TMEM185B: variants seen among roughly 807,000 people sequenced by gnomAD.
The protein encoded by TMEM185B is transmembrane protein 185B.
A neutral mutation model predicts 26.2 loss-of-function variants in TMEM185B; 9 were observed. That is an observed-to-expected ratio of 0.34 (90% CI 0.21 to 0.60). The LOEUF is 0.60. TMEM185B is among the 20% of genes least tolerant of loss of function. The probability of loss-of-function intolerance (pLI) is 0.80; values close to 1 mark genes in which losing one functional copy is unlikely to be tolerated. For missense variants in TMEM185B, 392 were observed against 447.9 expected, an observed-to-expected ratio of 0.88 and a Z score of 1.13; for synonymous variants, 204 against 191.8, an observed-to-expected ratio of 1.06 and a Z score of -0.52.
At position 120,222,590 on chromosome 2, in the gene TMEM185B, G is replaced by A; in HGVS notation, c.387C>T (p.Ala129=). ...LFFVSPVSVA[A]CVWGFRHDRS... is the part of the protein sequence containing the mutation. ...TATCGTGTCGAAAGCCCCAGACGCA[G>A]GCAGCCACGGACACGGGGGACACGA... Residue 129 remains alanine, a synonymous_variant, in exon 1 of 1, where the codon GCC becomes GCT. Transcript: ENST00000426077. The A allele has an allele frequency of 1.3e-6, 2 of 1,536,458 alleles. No individual in the cohort carries two copies. The highest frequency in any genetic ancestry group is 1.7e-6 in the Non-Finnish European group (2 of 1,147,018).
rs1688584222 is a variant in TMEM185B at position 120,221,390 on chromosome 2, C to T, written c.*534G>A. 6.5e-6 allele frequency: 1 copy of T among 152,824 alleles called. No individual in the cohort carries two copies. The highest frequency in any genetic ancestry group is 1.5e-5 in the Non-Finnish European group (1 of 68,606). The allele number at this position is 152,824 out of a possible 1,614,324, so 9.5% of individuals were successfully genotyped here. On this transcript the variant is annotated 3_prime_UTR_variant, in exon 1 of 1. Transcript: ENST00000426077. Reference sequence around the variant, plus strand: ...ATACTATATATGCATGGGTTCATTCCATTAGAAAAATTCACCTATCAGAAT... The same window carrying T: ...ATACTATATATGCATGGGTTCATTCTATTAGAAAAATTCACCTATCAGAAT...
chr2:120,222,787 C>G lies in TMEM185B; in HGVS notation c.190G>C (p.Val64Leu). 1 of 1,532,866 alleles carries G rather than the reference C, an allele frequency of 6.5e-7. No individual in the cohort carries two copies. The highest frequency in any genetic ancestry group is 1.4e-5 in the African/African-American group (1 of 72,980). The allele number at this position is 1,532,866 out of a possible 1,614,324, so 95.0% of individuals were successfully genotyped here. Reference protein sequence around the residue: ...VVAGASVGAGVWARNPRYRTE... With the variant: ...VVAGASVGAGLWARNPRYRTE... Reference sequence around the variant, plus strand: ...CGGTAGCGAGGGTTGCGGGCCCAAACGCCCGCGCCCACGGAGGCGCCTGCG... The same window carrying G: ...CGGTAGCGAGGGTTGCGGGCCCAAAGGCCCGCGCCCACGGAGGCGCCTGCG... The change falls in exon 1 of 1, where the codon GTT (valine) becomes CTT (leucine). Residue 64 changes from valine to leucine, a missense_variant. By Grantham distance (32) the Val-to-Leu change is conservative. Coordinates refer to ENST00000426077, the MANE Select transcript of TMEM185B (RefSeq NM_024121.3).
chr2:120,222,747 G>GCCTCTC lies in TMEM185B; in HGVS notation c.224_229dup (p.Gly75_Glu76dup). 6.5e-7 allele frequency: 1 copy of GCCTCTC among 1,536,466 alleles called. No homozygotes were observed. The highest frequency in any genetic ancestry group is 8.7e-7 in the Non-Finnish European group (1 of 1,146,984). On this transcript the variant is annotated inframe_insertion, in exon 1 of 1. Coordinates refer to ENST00000426077, the MANE Select transcript of TMEM185B (RefSeq NM_024121.3). Reference sequence around the variant, plus strand: ...CAGCATGGCTTTGAACTCCACACAGGCCTCTCCCTCGGTGCGGTAGCGAGG... The same window carrying GCCTCTC: ...CAGCATGGCTTTGAACTCCACACAGGCCTCTCCCTCTCCCTCGGTGCGGTAGCGAGG...
At position 120,221,829 on chromosome 2, in the gene TMEM185B, T is replaced by G; in HGVS notation, c.*95A>C. ...GATCTCAAACACGGCGTGAGACGAGTGTTTGAAGCCTGTTTCCATTTCCAG... is the reference window on the plus strand; with the variant it reads ...GATCTCAAACACGGCGTGAGACGAGGGTTTGAAGCCTGTTTCCATTTCCAG... On this transcript the variant is annotated 3_prime_UTR_variant, in exon 1 of 1. Transcript: ENST00000426077. 1 of 1,011,334 alleles carries G rather than the reference T, an allele frequency of 9.9e-7. No individual in the cohort carries two copies. The highest frequency in any genetic ancestry group is 1.4e-6 in the Non-Finnish European group (1 of 712,248). The allele number at this position is 1,011,334 out of a possible 1,614,324, so 62.6% of individuals were successfully genotyped here. A position where few individuals can be genotyped will look rare whatever the true frequency, so the allele number is the denominator to read the frequency against.
At position 120,220,448 on chromosome 2, in the gene TMEM185B, C is replaced by A. The variant is rs960836321; in HGVS notation, c.*1476G>T. 6.6e-6 allele frequency among the ~76,000 whole-genome samples: 1 copy of A among 152,220 alleles called. No individual in the cohort carries two copies. The highest frequency in any genetic ancestry group is 2.4e-5 in the African/African-American group (1 of 41,452). On this transcript the variant is annotated 3_prime_UTR_variant, in exon 1 of 1. Transcript: ENST00000426077. ...ACCAGCACCTAAAGAAACACTGTAC[C>A]TGCCGGGTGCAGTGGTTCCCGCCTG...
In TMEM185B at chr2:120,220,839, A is replaced by T. The variant is rs1015219970; in HGVS notation, c.*1085T>A. On this transcript the variant is annotated 3_prime_UTR_variant, in exon 1 of 1. Coordinates refer to ENST00000426077, the MANE Select transcript of TMEM185B (RefSeq NM_024121.3). ...GAACAGTTGTTTCCCTATTGCTGAC[A>T]GATTAAAGTTTGGCCCTTAAAATGA... Among the ~76,000 whole-genome samples, 2 of 152,242 alleles carry T rather than the reference A, an allele frequency of 1.3e-5. No homozygotes were observed. The highest frequency in any genetic ancestry group is 2.9e-5 in the Non-Finnish European group (2 of 68,038).
In TMEM185B at chr2:120,223,071, C is replaced by T. The variant is rs1372957566; in HGVS notation, c.-95G>A. 5.1e-6 allele frequency: 5 copies of T among 981,236 alleles called. No homozygotes were observed. The highest frequency in any genetic ancestry group is 6.7e-6 in the Non-Finnish European group (5 of 746,348). The allele number at this position is 981,236 out of a possible 1,614,324, so 60.8% of individuals were successfully genotyped here. ...TCTCCGGCCGCCGCCTCCCGGGCCC[C>T]GCCCAAGCCGGCTCCGCGTGGACGA... is the stretch of plus-strand genomic sequence containing the variant. On this transcript the variant is annotated 5_prime_UTR_variant, in exon 1 of 1. Coordinates refer to ENST00000426077, the MANE Select transcript of TMEM185B (RefSeq NM_024121.3).
rs1359551377 is a variant in TMEM185B at position 120,222,410 on chromosome 2, G to C, written c.567C>G (p.Tyr189Ter). Residue 189 changes from tyrosine (Y) to a stop codon, truncating the protein, a stop_gained, in exon 1 of 1, where the codon TAC becomes TAG. Transcript: ENST00000426077. LOFTEE classifies it high-confidence loss of function. ...MSFLCLVVLY[Y>*]IVWSLLFLRS... ...GCAGGAACAGGAGGGACCAGACGAT[G>C]TAATAGAGGACGACCAGGCAAAGGA... 6.5e-7 allele frequency: 1 copy of C among 1,536,136 alleles called. No homozygotes were observed. The highest frequency in any genetic ancestry group is 8.7e-7 in the Non-Finnish European group (1 of 1,146,934).
Position 120,223,122 on chromosome 2 carries a change from C to G in TMEM185B, c.-146G>C. The G allele has an allele frequency of 1.8e-6, 1 of 551,968 alleles. No individual in the cohort carries two copies. 34.2% of individuals were successfully genotyped at this position (551,968 alleles called of 1,614,324 possible). A position where few individuals can be genotyped will look rare whatever the true frequency, so the allele number is the denominator to read the frequency against. The stretch of plus-strand genomic sequence containing the variant: ...ATGCCGGGACGACCAGGAGGAGGTT[C>G]GGAGCGGCGAAGCGGAGAGGCCGGA... On this transcript the variant is annotated 5_prime_UTR_variant, in exon 1 of 1. Coordinates refer to ENST00000426077, the MANE Select transcript of TMEM185B (RefSeq NM_024121.3).
Position 120,218,755 on chromosome 2 carries a change from A to C in TMEM185B, c.*3169T>G, listed in dbSNP as rs886839962. 1.5e-4 allele frequency among the ~76,000 whole-genome samples: 23 copies of C among 152,260 alleles called. No homozygotes were observed. The highest frequency in any genetic ancestry group is 5.3e-4 in the African/African-American group (22 of 41,474). On this transcript the variant is annotated 3_prime_UTR_variant, in exon 1 of 1. Transcript: ENST00000426077. ...ATCCCCAACAGATCCCTTCTAATGG[A>C]AACAGCTTTTAAAAATTTCAGGATA...
chr2:120,220,162 T>C lies in TMEM185B; in HGVS notation c.*1762A>G, dbSNP rs1274976187. The stretch of plus-strand genomic sequence containing the variant: ...GAGCATGTTATTTTAATGTTTTATA[T>C]AGGGCAAAAATAGTGAATTTAGGGT... On this transcript the variant is annotated 3_prime_UTR_variant, in exon 1 of 1. Transcript: ENST00000426077. 1.3e-5 allele frequency among the ~76,000 whole-genome samples: 2 copies of C among 152,152 alleles called. No individual in the cohort carries two copies. The highest frequency in any genetic ancestry group is 4.8e-5 in the African/African-American group (2 of 41,422).
rs1317257342 is a variant in TMEM185B at position 120,219,186 on chromosome 2, G to A, written c.*2738C>T. Among the ~76,000 whole-genome samples the A allele has an allele frequency of 1.3e-5, 2 of 152,222 alleles. No homozygotes were observed. The highest frequency in any genetic ancestry group is 2.9e-5 in the Non-Finnish European group (2 of 68,040). On this transcript the variant is annotated 3_prime_UTR_variant, in exon 1 of 1. Coordinates refer to ENST00000426077, the MANE Select transcript of TMEM185B (RefSeq NM_024121.3). ...TGGGAATCTAGTTGTAGACCACTGA[G>A]ATTTCTGATGCTGTTTTGCAGCAAA...
In TMEM185B at chr2:120,223,172, C is replaced by T. The variant is rs1688624140; in HGVS notation, c.-196G>A. The T allele has an allele frequency of 1.5e-5, 6 of 391,486 alleles. No homozygotes were observed. The South Asian group carries it at 5.1e-4, about 33-fold the overall frequency. 24.3% of individuals were successfully genotyped at this position (391,486 alleles called of 1,614,324 possible). A position where few individuals can be genotyped will look rare whatever the true frequency, so the allele number is the denominator to read the frequency against. ...AACACGTGCACGCGCGGTCACGTGG[C>T]CCGGCCGGAAGCGCGCTGGGGTGTG... On this transcript the variant is annotated 5_prime_UTR_variant, in exon 1 of 1. Coordinates refer to ENST00000426077, the MANE Select transcript of TMEM185B (RefSeq NM_024121.3).
rs113906846 is a variant in TMEM185B, at chr2:120,222,758, G to C, written c.219C>G (p.Thr73=). 1 of 1,536,206 alleles carries C rather than the reference G, an allele frequency of 6.5e-7. No individual in the cohort carries two copies. Among genetic ancestry groups the C allele is most frequent in the Non-Finnish European group, 8.7e-7 (1 of 1,146,912 alleles). Residue 73 remains threonine (T), a synonymous_variant, in exon 1 of 1, where the codon ACC becomes ACG. Coordinates refer to ENST00000426077, the MANE Select transcript of TMEM185B (RefSeq NM_024121.3). ...GVWARNPRYR[T]EGEACVEFKA... Reference sequence around the variant, plus strand: ...TGAACTCCACACAGGCCTCTCCCTCGGTGCGGTAGCGAGGGTTGCGGGCCC... The same window carrying C: ...TGAACTCCACACAGGCCTCTCCCTCCGTGCGGTAGCGAGGGTTGCGGGCCC...
At position 120,222,953 on chromosome 2, in the gene TMEM185B, C is replaced by G. The variant is rs1688617048; in HGVS notation, c.24G>C (p.Gln8His). ...TGAGAAACTTACTGGGGTTGAAGTC[C>G]TGGAACAGGCCCCTGGGGTTCATGG... MNPRGLFQDFNPSKFLIY... is the reference protein window; with the variant it reads MNPRGLFHDFNPSKFLIY... The change falls in exon 1 of 1, where the codon CAG (glutamine) becomes CAC (histidine). Residue 8 changes from glutamine (Q) to histidine (H), a missense_variant. This residue lies in a region of TMEM185B where 175 missense variants were observed against 169.1 expected (regional missense o/e 1.03). Coordinates refer to ENST00000426077, the MANE Select transcript of TMEM185B (RefSeq NM_024121.3). The G allele has an allele frequency of 2.1e-6, 3 of 1,442,414 alleles. No homozygotes were observed. Among genetic ancestry groups the G allele is most frequent in the East Asian group, 2.5e-5 (1 of 40,152 alleles). 89.4% of individuals were successfully genotyped at this position (1,442,414 alleles called of 1,614,324 possible).
In TMEM185B at chr2:120,223,079, C is replaced by CGT; in HGVS notation, c.-104_-103insAC. 1 of 910,388 alleles carries CGT rather than the reference C, an allele frequency of 1.1e-6. No homozygotes were observed. Among genetic ancestry groups the CGT allele is most frequent in the Non-Finnish European group, 1.5e-6 (1 of 684,480 alleles). 56.4% of individuals were successfully genotyped at this position (910,388 alleles called of 1,614,324 possible). ...CGCCGCCTCCCGGGCCCCGCCCAAG[C>CGT]CGGCTCCGCGTGGACGAATGCCGGG... On this transcript the variant is annotated 5_prime_UTR_variant, in exon 1 of 1. Coordinates refer to ENST00000426077, the MANE Select transcript of TMEM185B (RefSeq NM_024121.3).
chr2:120,218,366 A>G lies in TMEM185B; in HGVS notation c.*3558T>C, dbSNP rs1688533792. 6.6e-6 allele frequency among the ~76,000 whole-genome samples: 1 copy of G among 152,188 alleles called. No individual in the cohort carries two copies. Reference sequence around the variant, plus strand: ...GTGGCAAGTGCTGCATCTCCAGCAAATGGTCCCTGTGGTGCAGCCCTGCCT... The same window carrying G: ...GTGGCAAGTGCTGCATCTCCAGCAAGTGGTCCCTGTGGTGCAGCCCTGCCT... On this transcript the variant is annotated 3_prime_UTR_variant, in exon 1 of 1. Transcript: ENST00000426077.
At position 120,221,710 on chromosome 2, in the gene TMEM185B, C is replaced by T. The variant is rs994125014; in HGVS notation, c.*214G>A. 1.8e-5 allele frequency: 10 copies of T among 549,276 alleles called. No homozygotes were observed. Among genetic ancestry groups the T allele is most frequent in the Middle Eastern group, 9.3e-4 (2 of 2,150 alleles). The allele number at this position is 549,276 out of a possible 1,614,324, so 34.0% of individuals were successfully genotyped here. On this transcript the variant is annotated 3_prime_UTR_variant, in exon 1 of 1. Transcript: ENST00000426077. ...CTGCCCCCAGCTACACCTGAAAGTG[C>T]GAACCTGGAAAGCAAGTCTCTTACC... is the stretch of plus-strand genomic sequence containing the variant.
In TMEM185B at chr2:120,223,101, C is replaced by T; in HGVS notation, c.-125G>A. ...AAGCCGGCTCCGCGTGGACGAATGC[C>T]GGGACGACCAGGAGGAGGTTCGGAG... On this transcript the variant is annotated 5_prime_UTR_variant, in exon 1 of 1. Transcript: ENST00000426077. 2 of 655,858 alleles carry T rather than the reference C, an allele frequency of 3.0e-6. No individual in the cohort carries two copies. The highest frequency in any genetic ancestry group is 1.9e-5 in the African/African-American group (1 of 52,700). 40.6% of individuals were successfully genotyped at this position (655,858 alleles called of 1,614,324 possible). A position where few individuals can be genotyped will look rare whatever the true frequency, so the allele number is the denominator to read the frequency against.
Sources: gnomAD v4.1 joint callset for allele counts (sites outside exome capture counted in the v4.1 genomes callset) on GRCh38, gnomAD v4.1.1 for gene constraint, gnomAD v4.1.1 regional missense constraint, MANE v1.5 for transcripts, NCBI Gene and HGNC (gene_info 2026-07-23, HGNC 2026-07-21) for gene names.